TMTC4: variants seen among roughly 807,000 people sequenced by gnomAD.
TMTC4 encodes transmembrane O-mannosyltransferase targeting cadherins 4, also known as protein O-mannosyl-transferase TMTC4.
Under a neutral mutation model 86.0 loss-of-function variants are expected in TMTC4, and 65 were observed. The ratio of observed to expected loss-of-function variants is 0.76; its 90% CI spans 0.62 to 0.93. The LOEUF (loss-of-function observed/expected upper bound fraction) is 0.93, where lower values mean the gene tolerates loss of function less well. TMTC4 is among the 40% of genes least tolerant of loss of function. The pLI, the probability that TMTC4 is intolerant of heterozygous loss-of-function variation, is 0.00. For missense variants in TMTC4, 866 were observed against 948.1 expected (o/e 0.91, Z 1.14); for synonymous variants, 379 against 382.5 (o/e 0.99, Z 0.11).
At chr13:100,617,310 G>A (rs542181748) in intron 15 of TMTC4, among the ~76,000 whole-genome samples, 106 of 151,984 alleles carry the variant, frequency 7.0e-4, no homozygotes, top group African/African-American at 2.5e-3. Flanking sequence ...AATTTTTTTG[G>A]ATTTTTTGTA....
In TMTC4 at chr13:100,656,387, T is replaced by C. The variant is rs772679908; in HGVS notation, c.634A>G (p.Arg212Gly). 25 of 1,611,918 alleles carry C rather than the reference T, an allele frequency of 1.6e-5. No homozygotes were observed. Among genetic ancestry groups the C allele is most frequent in the Non-Finnish European group, 2.0e-5 (23 of 1,179,312 alleles). Residue 212 changes from arginine to glycine, a missense_variant, in exon 6 of 19, where the codon AGA becomes GGA. By Grantham distance (125) the Arg-to-Gly change is moderately radical. Transcript: ENST00000342624. ...LSFLGYCKAF[R>G]ESNKEGAHSS... ...AGGCAAACAGAATGCTTACTTTCTCTAAATGCTTTACAGTAGCCAAGGAAA... is the reference window on the plus strand; with the variant it reads ...AGGCAAACAGAATGCTTACTTTCTCCAAATGCTTTACAGTAGCCAAGGAAA...
intron 15 of TMTC4, among the ~76,000 whole-genome samples, chr13:100,616,792 T>C (rs1474751631): frequency 6.6e-6 from 1 of 152,218 alleles, no homozygotes; most frequent in Non-Finnish European, 1.5e-5. Context: ...TTTTCTCATA[T>C]GTTTGTTAGC....
intron 6 of TMTC4, among the ~76,000 whole-genome samples, chr13:100,644,881 C>G (rs1370698693): frequency 6.6e-6 from 1 of 151,772 alleles, no homozygotes; most frequent in Non-Finnish European, 1.5e-5. Flanking sequence ...ATGGTGCGAT[C>G]TCGGCTCACT....
intron 6 of TMTC4, among the ~76,000 whole-genome samples, chr13:100,649,661 T>C (rs1374926385): frequency 1.3e-5 from 2 of 152,290 alleles, no homozygotes; most frequent in East Asian, 1.9e-4. Flanking sequence ...ATTTGCTCAG[T>C]GTGGACAAAT....
At chr13:100,640,962 C>T (rs1220945755) in intron 7 of TMTC4, among the ~76,000 whole-genome samples, 1 of 152,136 alleles carries the variant, frequency 6.6e-6, no homozygotes, top group African/African-American at 2.4e-5. Context: ...GATTTCAACA[C>T]CTCTCCTTTC....
At chr13:100,637,347 C>T (rs1417374731) in intron 9 of TMTC4, among the ~76,000 whole-genome samples, 191 bp downstream of exon 9, 3 of 152,192 alleles carry the variant, frequency 2.0e-5, no homozygotes, top group Non-Finnish European at 4.4e-5. Flanking sequence ...TCTGCATGCC[C>T]TTTCAACCCC....
chr13:100,612,439 A>C lies in TMTC4; in HGVS notation c.2023T>G (p.Phe675Val). The C allele has an allele frequency of 1.2e-6, 2 of 1,611,314 alleles. No individual in the cohort carries two copies. The highest frequency in any genetic ancestry group is 1.7e-6 in the Non-Finnish European group (2 of 1,179,182). ...ELIPNDHSLM[F>V]SLANVLGKSQ... ...TTCCCCAGCACGTTTGCCAACGAGA[A>C]CATGAGAGAGTGATCATTAGGTATT... is the stretch of plus-strand genomic sequence containing the variant. The change falls in exon 17 of 19, where the codon TTC (phenylalanine) becomes GTC (valine). Residue 675 changes from phenylalanine to valine, a missense_variant. Physicochemically the swap from Phe to Val is conservative, Grantham distance 50. Coordinates refer to ENST00000342624, the MANE Select transcript of TMTC4 (RefSeq NM_032813.5).
intron 3 of TMTC4, among the ~76,000 whole-genome samples, chr13:100,667,430 AAACAAC>A (rs376582715): frequency 6.6e-6 from 1 of 152,172 alleles, no homozygotes; most frequent in Non-Finnish European, 1.5e-5. Context: ...CTCTGTCTCA[AAACAAC>A]AACAACAACG....
At chr13:100,612,260 A>C in intron 17 of TMTC4, 138 bp downstream of exon 17, 1 of 656,518 alleles carries the variant, frequency 1.5e-6, no homozygotes, top group Non-Finnish European at 2.5e-6. Flanking sequence ...TCCAGGAAAC[A>C]AACTGGCCAA....
chr13:100,604,906 C>G lies in TMTC4; in HGVS notation c.*88G>C. Reference sequence around the variant, plus strand: ...AATCAGTAAAATAACATGTCTAAGACTTTTAAATGGTTAAATGTAACCACA... The same window carrying G: ...AATCAGTAAAATAACATGTCTAAGAGTTTTAAATGGTTAAATGTAACCACA... On this transcript the variant is annotated 3_prime_UTR_variant, in exon 19 of 19. Transcript: ENST00000342624. 7.0e-7 allele frequency: 1 copy of G among 1,433,754 alleles called. No individual in the cohort carries two copies. The highest frequency in any genetic ancestry group is 1.6e-5 in the South Asian group (1 of 62,084). 88.8% of individuals were successfully genotyped at this position (1,433,754 alleles called of 1,614,324 possible).
intron 6 of TMTC4, among the ~76,000 whole-genome samples, chr13:100,644,270 A>AT (rs1883428681): frequency 6.6e-6 from 1 of 151,548 alleles, no homozygotes; most frequent in South Asian, 2.1e-4. Flanking sequence ...TGCCCAGCTA[A>AT]TTTTTTGTAT....
intron 5 of TMTC4, among the ~76,000 whole-genome samples, chr13:100,659,686 G>T (rs1178443402): frequency 6.6e-6 from 1 of 151,696 alleles, no homozygotes; most frequent in Non-Finnish European, 1.5e-5. Context: ...GGGTTTGGGT[G>T]TCTACAAACC....
intron 15 of TMTC4, among the ~76,000 whole-genome samples, chr13:100,616,205 T>A (rs1457962188): frequency 6.6e-6 from 1 of 152,034 alleles, no homozygotes; most frequent in East Asian, 1.9e-4. Flanking sequence ...TATGAATGCA[T>A]GTTTTGGTTT....
intron 6 of TMTC4, among the ~76,000 whole-genome samples, chr13:100,648,453 C>T (rs113307745): frequency 4.6e-5 from 7 of 152,108 alleles, no homozygotes; most frequent in East Asian, 3.8e-4. Context: ...TTTTATAACG[C>T]GGCTACTTCA....
chr13:100,634,339 T>C (rs1373469507), intron 12 of TMTC4, among the ~76,000 whole-genome samples: 1 of 152,140 alleles, frequency 6.6e-6, no homozygotes, highest in East Asian at 1.9e-4. Context: ...AGCATAAACT[T>C]CCTGAACTAC....
In TMTC4 at chr13:100,618,452, TTG is replaced by T. The variant is rs200505528; in HGVS notation, c.1837-4024_1837-4023del. On this transcript the variant is annotated intron_variant, in intron 15 of 18. Transcript: ENST00000342624. ...AATGCTTCCAGATTTTTGTTGCTTC[TTG>T]TTTTTTTTTTTTTTTTAATCTCTCT... Among the ~76,000 whole-genome samples, 724 of 125,444 alleles carry T rather than the reference TTG, an allele frequency of 5.8e-3. 29 individuals carry two copies. Among genetic ancestry groups the T allele is most frequent in the African/African-American group, 0.018 (583 of 33,024 alleles). 82.3% of individuals were successfully genotyped at this position (125,444 alleles called of 152,430 possible).
At position 100,637,915 on chromosome 13, in the gene TMTC4, A is replaced by G; in HGVS notation, c.834+15T>C. ...ATTTTCCATGTCTGGGCTGGAGATA[A>G]AAGTACAGACTCACCTCTAATGACT... On this transcript the variant is annotated intron_variant, in intron 8 of 18. Transcript: ENST00000342624. 1.9e-6 allele frequency: 3 copies of G among 1,593,318 alleles called. No homozygotes were observed. Among genetic ancestry groups the G allele is most frequent in the Non-Finnish European group, 2.6e-6 (3 of 1,166,752 alleles).
chr13:100,670,234 T>C, intron 2 of TMTC4, 126 bp downstream of exon 2: 3 of 1,042,362 alleles, frequency 2.9e-6, no homozygotes, highest in Non-Finnish European at 4.1e-6. Context: ...GATCTCTAAG[T>C]GGATACCCCA....
At position 100,668,808 on chromosome 13, in the gene TMTC4, A is replaced by G. The variant is rs1886714437; in HGVS notation, c.4-14T>C. 1.2e-6 allele frequency: 2 copies of G among 1,613,544 alleles called. No homozygotes were observed. Among genetic ancestry groups the G allele is most frequent in the East Asian group, 4.5e-5 (2 of 44,884 alleles). Reference sequence around the variant, plus strand: ...CTGGTTAGGAATCTGCAGGAAAAACAACACTGTATAAATATTCATCAACAC... The same window carrying G: ...CTGGTTAGGAATCTGCAGGAAAAACGACACTGTATAAATATTCATCAACAC... On this transcript the variant is annotated splice_polypyrimidine_tract_variant and intron_variant, in intron 2 of 18. Transcript: ENST00000342624.
Sources: gnomAD v4.1 joint callset for allele counts (sites outside exome capture counted in the v4.1 genomes callset) on GRCh38, gnomAD v4.1.1 for gene constraint, MANE v1.5 for transcripts, NCBI Gene and HGNC (gene_info 2026-07-23, HGNC 2026-07-21) for gene names.